SPG7: variants seen among roughly 807,000 people sequenced by gnomAD.
The protein encoded by SPG7 is SPG7 matrix AAA peptidase subunit, paraplegin.
SPG7 carries 103 observed loss-of-function variants against 81.9 expected under a neutral mutation model. The observed-to-expected ratio is 1.26, with a 90% confidence interval of 1.07 to 1.48. The LOEUF is 1.48. Among genes scored for constraint, SPG7 ranks in the 40% most tolerant of loss-of-function variants. SPG7 has a pLI of 0.00. For missense variants in SPG7, 1,241 were observed against 1,087.3 expected (o/e 1.14, Z -1.99); for synonymous variants, 534 against 444.2 (o/e 1.20, Z -2.54).
intron 3 of SPG7, chr16:89,523,249 G>T (rs1422598396): frequency 4.5e-6 from 1 of 223,938 alleles, no homozygotes; most frequent in African/African-American, 2.3e-5. Flanking sequence ...ACTCAACAGT[G>T]TATCTCATGA....
In SPG7 at chr16:89,557,036, G is replaced by A; in HGVS notation, c.2331G>A (p.Glu777=). 6.2e-7 allele frequency: 1 copy of A among 1,612,882 alleles called. No homozygotes were observed. Among genetic ancestry groups the A allele is most frequent in the South Asian group, 1.1e-5 (1 of 91,032 alleles). Residue 777 remains glutamate (E), a synonymous_variant, in exon 17 of 17, where the codon GAG becomes GAA. Transcript: ENST00000645818. The stretch of plus-strand genomic sequence containing the variant: ...AGAAACAGGACTTGGGCGAGGAGGA[G>A]ACCGAAGAGACCCAGCAGCCTCCAC... ...QREKQDLGEE[E]TEETQQPPLG... is the part of the protein sequence containing the mutation.
chr16:89,534,532 A>T (rs1463962902), intron 9 of SPG7, among the ~76,000 whole-genome samples: 2 of 152,050 alleles, frequency 1.3e-5, no homozygotes, highest in Non-Finnish European at 2.9e-5. Context: ...GATGAGGGAG[A>T]CTTTTTTTCC....
chr16:89,529,241 T>C (rs1399430306), intron 5 of SPG7: 3 of 581,826 alleles, frequency 5.2e-6, no homozygotes, highest in South Asian at 2.0e-5. Context: ...TGGCTAGATC[T>C]CCGGCATCTG....
chr16:89,509,171 G>C (rs572935566), intron 1 of SPG7, among the ~76,000 whole-genome samples: 1 of 152,260 alleles, frequency 6.6e-6, no homozygotes, highest in African/African-American at 2.4e-5. Context: ...CCGAAAACCA[G>C]ACCTTGTGTC....
In SPG7 at chr16:89,532,471, G is replaced by A. The variant is rs1346499168; in HGVS notation, c.1159G>A (p.Ala387Thr). 1.9e-6 allele frequency: 3 copies of A among 1,613,324 alleles called. No homozygotes were observed. Among genetic ancestry groups the A allele is most frequent in the Non-Finnish European group, 2.5e-6 (3 of 1,180,044 alleles). ...EFVEVIGGLG[A>T]ARVRSLFKEA... ...TCTCTGTGTCCCCTCAGGCCTCGGCGCTGCCCGTGTGCGGAGCCTCTTTAA... is the reference window on the plus strand; with the variant it reads ...TCTCTGTGTCCCCTCAGGCCTCGGCACTGCCCGTGTGCGGAGCCTCTTTAA... The change falls in exon 9 of 17, where the codon GCT becomes ACT. Residue 387 changes from alanine (A) to threonine (T), a missense_variant. By Grantham distance (58) the Ala-to-Thr change is moderately conservative. Transcript: ENST00000645818.
chr16:89,541,429 G>C (rs2058495104), intron 9 of SPG7: 2 of 720,662 alleles, frequency 2.8e-6, no homozygotes, highest in South Asian at 1.2e-4. Flanking sequence ...TGGAGAACGG[G>C]TTACTGGTTG....
At chr16:89,550,272 A>C in intron 12 of SPG7, 1 of 506,108 alleles carries the variant, frequency 2.0e-6, no homozygotes, top group Non-Finnish European at 3.7e-6. Flanking sequence ...TCTCAGGTTC[A>C]AGTGATTCTC....
chr16:89,546,155 C>T (rs532956590), intron 10 of SPG7: 7 of 296,614 alleles, frequency 2.4e-5, no homozygotes, highest in Admixed American at 1.9e-4. Context: ...GGCGCGATCT[C>T]GGCTCACTGC....
intron 5 of SPG7, chr16:89,529,238 A>G (rs550078242): frequency 1.7e-6 from 1 of 580,176 alleles, no homozygotes; most frequent in East Asian, 2.9e-5. Flanking sequence ...GGCTGGCTAG[A>G]TCTCCGGCAT....
At chr16:89,526,752 A>G (rs2058266591) in intron 5 of SPG7, 1 of 398,514 alleles carries the variant, frequency 2.5e-6, no homozygotes, top group Non-Finnish European at 4.7e-6. Context: ...TAAGCCCCTG[A>G]TGTAGATGCC....
intron 13 of SPG7, among the ~76,000 whole-genome samples, 192 bp downstream of exon 13, chr16:89,550,801 G>T (rs2058627195): frequency 6.6e-6 from 1 of 152,224 alleles, no homozygotes; most frequent in African/African-American, 2.4e-5. Context: ...GGTGGCGACT[G>T]ATGGGCGGGA....
At chr16:89,529,454 C>G in intron 5 of SPG7, 23 bp from the exon 6 acceptor site, 1 of 1,537,542 alleles carries the variant, frequency 6.5e-7, no homozygotes, top group Non-Finnish European at 9.0e-7. Flanking sequence ...TGAGCCTGTG[C>G]CTGCCTCTCT....
chr16:89,549,034 G>A (rs1394927000), intron 12 of SPG7: 1 of 456,400 alleles, frequency 2.2e-6, no homozygotes, highest in Non-Finnish European at 4.4e-6. Flanking sequence ...GAGTGGGGCA[G>A]CTGCTGTGCC....
intron 6 of SPG7, chr16:89,530,449 A>T: frequency 1.7e-6 from 1 of 580,206 alleles, no homozygotes; most frequent in Non-Finnish European, 3.1e-6. Flanking sequence ...TGGCTGAGTA[A>T]TTTTTTTTAA....
intron 5 of SPG7, chr16:89,527,530 G>A (rs961443126): frequency 1.3e-5 from 2 of 152,208 alleles, no homozygotes; most frequent in African/African-American, 4.8e-5. Context: ...AGAAAGTCAA[G>A]GAGGACCGTG....
intron 2 of SPG7, among the ~76,000 whole-genome samples, chr16:89,512,275 C>T (rs558364710): frequency 2.0e-5 from 3 of 151,742 alleles, no homozygotes; most frequent in East Asian, 3.9e-4. Flanking sequence ...AGTGTCGTGC[C>T]GGCCCCTCTT....
chr16:89,513,832 G>C (rs1204048632), intron 3 of SPG7, among the ~76,000 whole-genome samples: 2 of 152,248 alleles, frequency 1.3e-5, no homozygotes, highest in Non-Finnish European at 2.9e-5. Context: ...GGCGAGTGAG[G>C]AACTGTCATA....
Position 89,546,583 on chromosome 16 carries a change from C to T in SPG7, c.1450-75C>T, listed in dbSNP as rs1023859750. ...CAGCTACTTGGGGACCCCCCCCCCC[C>T]ACAGACAAACATGCCGCACCTGTGG... On this transcript the variant is annotated intron_variant, in intron 10 of 16. Coordinates refer to ENST00000645818, the MANE Select transcript of SPG7 (RefSeq NM_003119.4). 38 of 962,642 alleles carry T rather than the reference C, an allele frequency of 3.9e-5. No homozygotes were observed. The Admixed American group carries it at 4.5e-4, about 11-fold the overall frequency. The allele number at this position is 962,642 out of a possible 1,614,324, so 59.6% of individuals were successfully genotyped here.
At chr16:89,530,387 G>A (rs1019266638) in intron 6 of SPG7, 7 of 431,764 alleles carry the variant, frequency 1.6e-5, no homozygotes, top group African/African-American at 4.1e-5. Flanking sequence ...CTCGTGATCC[G>A]CCCATCTCGG....
Sources: gnomAD v4.1 joint callset for allele counts (sites outside exome capture counted in the v4.1 genomes callset) on GRCh38, gnomAD v4.1.1 for gene constraint, MANE v1.5 for transcripts, NCBI Gene and HGNC (gene_info 2026-07-23, HGNC 2026-07-21) for gene names.